Variants in EDC3 observed in about 807,000 individuals in gnomAD.
EDC3 encodes the protein enhancer of mRNA decapping 3, also known as enhancer of mRNA-decapping protein 3.
EDC3 carries 20 observed loss-of-function variants against 41.8 expected under a neutral mutation model. That is an observed-to-expected ratio of 0.48 (90% confidence interval 0.34 to 0.70). EDC3 has a LOEUF of 0.70. Among genes scored for constraint, EDC3 ranks in the 30% least tolerant of loss-of-function variants. EDC3 has a pLI of 0.01. For missense variants in EDC3, 444 were observed against 636.8 expected, an observed-to-expected ratio of 0.70 and a Z score of 3.26; for synonymous variants, 206 against 243.2, an observed-to-expected ratio of 0.85 and a Z score of 1.42.
intron 1 of EDC3, among the ~76,000 whole-genome samples, chr15:74,689,594 A>G (rs1239258063): frequency 6.6e-6 from 1 of 150,840 alleles, no homozygotes; most frequent in Non-Finnish European, 1.5e-5. Context: ...GCACTATCTC[A>G]GCTCACTGCA....
chr15:74,681,668 A>G (rs2062872154), intron 1 of EDC3, among the ~76,000 whole-genome samples: 2 of 152,238 alleles, frequency 1.3e-5, no homozygotes, highest in South Asian at 4.1e-4. Flanking sequence ...TAGTTTTTAC[A>G]ACAAATAGCG....
chr15:74,642,876 C>G (rs1036669084), intron 4 of EDC3: 2 of 152,280 alleles, frequency 1.3e-5, no homozygotes, highest in Non-Finnish European at 2.9e-5. Context: ...ACATCACCCC[C>G]CACCGGCTGG....
chr15:74,669,343 C>CAA (rs59652636), intron 3 of EDC3, among the ~76,000 whole-genome samples: 4 of 95,886 alleles, frequency 4.2e-5, no homozygotes, highest in African/African-American at 1.1e-4. Flanking sequence ...AACTCTGTCT[C>CAA]AAAAAAAAAA....
At chr15:74,651,172 G>A (rs889729230) in intron 4 of EDC3, among the ~76,000 whole-genome samples, 25 of 152,138 alleles carry the variant, frequency 1.6e-4, no homozygotes, top group Non-Finnish European at 2.8e-4. Context: ...CTTAACACAT[G>A]CACGTAGAAT....
intron 2 of EDC3, among the ~76,000 whole-genome samples, chr15:74,672,686 G>A (rs960134431): frequency 3.9e-5 from 6 of 151,916 alleles, no homozygotes; most frequent in South Asian, 2.1e-4. Context: ...GTGGTGGTAC[G>A]CACCTGCAAT....
At position 74,671,719 on chromosome 15, in the gene EDC3, G is replaced by T. The variant is rs2062741009; in HGVS notation, c.220C>A (p.Gln74Lys). ...GTTTGATGAAGGTCTCCAAAATGTT[G>T]GTTGTCTCCAGGTCCTGGTATCTCC... is the stretch of plus-strand genomic sequence containing the variant. Reference protein sequence around the residue: ...ILEIPGPGDNQHFGDLHQTEL... With the variant: ...ILEIPGPGDNKHFGDLHQTEL... Residue 74 changes from glutamine (Q) to lysine (K), a missense_variant, in exon 3 of 7, where the codon CAA (glutamine) becomes AAA (lysine). Gln to Lys is a moderately conservative substitution (Grantham distance 53, BLOSUM62 1). Transcript: ENST00000315127. This position sits in a 1 kb window ranked among gnomAD's most constrained non-coding sequence, Gnocchi z 4.6. 1 of 1,614,122 alleles carries T rather than the reference G, an allele frequency of 6.2e-7. No homozygotes were observed. The highest frequency in any genetic ancestry group is 1.7e-5 in the Admixed American group (1 of 60,014).
chr15:74,689,490 T>C (rs980460135), intron 1 of EDC3, among the ~76,000 whole-genome samples: 2 of 152,224 alleles, frequency 1.3e-5, no homozygotes, highest in African/African-American at 4.8e-5. Context: ...AAAGTTCATT[T>C]AGTCTTATTT....
At position 74,653,843 on chromosome 15, in the gene EDC3, G is replaced by A. The variant is rs187917064; in HGVS notation, c.820+1890C>T. 1.8e-3 allele frequency among the ~76,000 whole-genome samples: 274 copies of A among 152,288 alleles called. 3 individuals are homozygous for A. The highest frequency in any genetic ancestry group is 5.0e-4 in the Non-Finnish European group (34 of 68,030). On this transcript the variant is annotated intron_variant, in intron 4 of 6. Transcript: ENST00000315127. ...TCTACCTCTGCTTTTGTCCATGTTAGTAAATATTTTCTCATGCTCTGTTAG... is the reference window on the plus strand; with the variant it reads ...TCTACCTCTGCTTTTGTCCATGTTAATAAATATTTTCTCATGCTCTGTTAG...
chr15:74,634,040 C>T (rs1401137101), intron 6 of EDC3, among the ~76,000 whole-genome samples: 2 of 152,066 alleles, frequency 1.3e-5, no homozygotes, highest in African/African-American at 4.8e-5. Context: ...GGTGGAGTCC[C>T]TTCTCTGGGC....
chr15:74,640,807 CA>C (rs2062342405), intron 4 of EDC3, 188 bp from the exon 5 acceptor site: 2 of 650,040 alleles, frequency 3.1e-6, no homozygotes, highest in South Asian at 4.0e-5. Flanking sequence ...ACTGGTGAAC[CA>C]AGTAACAACT....
intron 5 of EDC3, chr15:74,636,804 G>C (rs2141574711): frequency 6.6e-6 from 1 of 152,308 alleles, no homozygotes; most frequent in East Asian, 1.9e-4. Flanking sequence ...GAGGAAATAT[G>C]ATGAGAATTG....
intron 1 of EDC3, among the ~76,000 whole-genome samples, chr15:74,687,588 G>C (rs769866620): frequency 1.3e-5 from 2 of 152,168 alleles, no homozygotes; most frequent in Non-Finnish European, 2.9e-5. Flanking sequence ...ATGTTGGCCA[G>C]ACTGATCTCG....
At chr15:74,654,096 C>CA (rs1160105164) in intron 4 of EDC3, among the ~76,000 whole-genome samples, 1 of 151,794 alleles carries the variant, frequency 6.6e-6, no homozygotes, top group Non-Finnish European at 1.5e-5. Flanking sequence ...ACTAAAAATA[C>CA]AAAAAAATTA....
Position 74,635,618 on chromosome 15 carries a change from G to A in EDC3, c.983C>T (p.Pro328Leu). ...TLLGGPNRLN[P>L]KNVHQRPTVA... ...TGTAGGCCTCTGGTGAACATTTTTG[G>A]GATTCAACCTGGAAAAGAAGGTGAA... Residue 328 changes from proline (P) to leucine (L), a missense_variant, in exon 6 of 7, where the codon CCC becomes CTC. Around this residue, in one of 3 missense-constraint regions of EDC3, gnomAD observed 242 missense variants for 363.8 expected, o/e 0.67. Coordinates refer to ENST00000315127, the MANE Select transcript of EDC3 (RefSeq NM_025083.5). The A allele has an allele frequency of 6.2e-7, 1 of 1,611,938 alleles. No homozygotes were observed. The highest frequency in any genetic ancestry group is 8.5e-7 in the Non-Finnish European group (1 of 1,178,216).
rs899294769 is a variant in EDC3, at chr15:74,632,357, G to A, written c.*255C>T. 20 of 541,292 alleles carry A rather than the reference G, an allele frequency of 3.7e-5. No homozygotes were observed. Among genetic ancestry groups the A allele is most frequent in the African/African-American group, 1.3e-4 (7 of 52,824 alleles). 33.5% of individuals were successfully genotyped at this position (541,292 alleles called of 1,614,324 possible). ...GCTGTAAACAAAGGCCCACCTGGCC[G>A]TGCAGGGGGCTGAGGGTAGAGATGC... On this transcript the variant is annotated 3_prime_UTR_variant, in exon 7 of 7. Transcript: ENST00000315127. The surrounding 1 kb of genome is among the most constrained non-coding windows in gnomAD (Gnocchi z 4.0).
rs764782564 is a variant in EDC3 at position 74,655,716 on chromosome 15, G to A, written c.820+17C>T. The A allele has an allele frequency of 2.6e-5, 42 of 1,587,648 alleles. No individual in the cohort carries two copies. The highest frequency in any genetic ancestry group is 3.6e-5 in the Non-Finnish European group (42 of 1,162,920). ...GGCAACAGCAACCAGCAGGATGTGGGACCTGATGCAACTCACCCGTGCAGA... is the reference window on the plus strand; with the variant it reads ...GGCAACAGCAACCAGCAGGATGTGGAACCTGATGCAACTCACCCGTGCAGA... On this transcript the variant is annotated intron_variant, in intron 4 of 6. Transcript: ENST00000315127.
rs1174128963 is a variant in EDC3 at position 74,687,447 on chromosome 15, C to T, written c.-19+8433G>A. 2.0e-5 allele frequency among the ~76,000 whole-genome samples: 3 copies of T among 152,322 alleles called. No homozygotes were observed. The East Asian group carries it at 5.8e-4, about 29-fold the overall frequency. On this transcript the variant is annotated intron_variant, in intron 1 of 6. Coordinates refer to ENST00000315127, the MANE Select transcript of EDC3 (RefSeq NM_025083.5). ...AGAGTGCAGTGGCGCAATCTTGGCT[C>T]ACTGCAACTTCTGCCTCCCAGGTTC...
chr15:74,642,661 T>C (rs2062368232), intron 4 of EDC3: 1 of 152,230 alleles, frequency 6.6e-6, no homozygotes, highest in African/African-American at 2.4e-5. Flanking sequence ...AGATTTGAAA[T>C]GGGTCAGGGC....
At chr15:74,674,646 A>C (rs1384196175) in intron 2 of EDC3, among the ~76,000 whole-genome samples, 2 of 152,206 alleles carry the variant, frequency 1.3e-5, no homozygotes, top group Non-Finnish European at 2.9e-5. Context: ...CTAGTGGCAA[A>C]TGCAAGATCT....
Sources: allele counts gnomAD v4.1 joint callset (sites outside exome capture counted in the v4.1 genomes callset), GRCh38; gene constraint gnomAD v4.1.1; regional missense constraint gnomAD v4.1.1; non-coding constraint Gnocchi (gnomAD v3.1); transcripts MANE v1.5; gene names NCBI Gene and HGNC (gene_info 2026-07-23, HGNC 2026-07-21).